PIK3C2A: variants seen among roughly 807,000 people sequenced by gnomAD.
The protein encoded by PIK3C2A is phosphatidylinositol-4-phosphate 3-kinase catalytic subunit type 2 alpha.
Under a neutral mutation model 204.5 loss-of-function variants are expected in PIK3C2A, and 97 were observed. The observed-to-expected ratio is 0.47, with a 90% CI of 0.40 to 0.56. The LOEUF is 0.56. PIK3C2A is among the 20% of genes least tolerant of loss of function. The pLI, the probability that PIK3C2A is intolerant of heterozygous loss-of-function variation, is 0.00. For synonymous variants in PIK3C2A, 653 were observed against 664.4 expected (o/e 0.98, Z 0.26); for missense variants, 1,735 against 1,969.2 (o/e 0.88, Z 2.25).
intron 13 of PIK3C2A, among the ~76,000 whole-genome samples, chr11:17,128,625 A>T (rs1213769310): frequency 6.6e-6 from 1 of 152,174 alleles, no homozygotes; most frequent in African/African-American, 2.4e-5. Flanking sequence ...AACTTACCCA[A>T]TTATTTTTCC....
At chr11:17,116,697 C>G (rs1455852703) in intron 19 of PIK3C2A, among the ~76,000 whole-genome samples, 1 of 151,962 alleles carries the variant, frequency 6.6e-6, no homozygotes, top group Non-Finnish European at 1.5e-5. Flanking sequence ...TCACGCCATT[C>G]TCCTGCCTCA....
rs546162660 is a variant in PIK3C2A, at chr11:17,108,566, T to C, written c.3544+1866A>G. Among the ~76,000 whole-genome samples, 58 of 152,198 alleles carry C rather than the reference T, an allele frequency of 3.8e-4. No homozygotes were observed. In the East Asian group the frequency reaches 0.011, roughly 29 times the overall value. ...AGGAGTTTGAGGCTGCAGTGAGCTA[T>C]GATCACACCACTGCACTCCAGCCTG... is the stretch of plus-strand genomic sequence containing the variant. On this transcript the variant is annotated intron_variant, in intron 22 of 32. Coordinates refer to ENST00000691414, the MANE Select transcript of PIK3C2A (RefSeq NM_002645.4).
intron 22 of PIK3C2A, among the ~76,000 whole-genome samples, chr11:17,106,541 A>G (rs1203094526): frequency 6.6e-6 from 1 of 152,232 alleles, no homozygotes; most frequent in Non-Finnish European, 1.5e-5. Context: ...TCCATGTACT[A>G]ATTCCCAAAG....
Position 17,102,901 on chromosome 11 carries a change from A to T in PIK3C2A, c.3682-70T>A. ...AAAAGAGGCAGAGTTTATAAATAGTAAAGTAATTTATCACTCTTTAAAAAC... is the reference window on the plus strand; with the variant it reads ...AAAAGAGGCAGAGTTTATAAATAGTTAAGTAATTTATCACTCTTTAAAAAC... On this transcript the variant is annotated intron_variant, in intron 23 of 32. Coordinates refer to ENST00000691414, the MANE Select transcript of PIK3C2A (RefSeq NM_002645.4). 6.2e-6 allele frequency: 6 copies of T among 965,324 alleles called. 1 individual carries two copies. Among genetic ancestry groups the T allele is most frequent in the Non-Finnish European group, 3.1e-6 (2 of 649,804 alleles). The allele number at this position is 965,324 out of a possible 1,614,324, so 59.8% of individuals were successfully genotyped here. A position where few individuals can be genotyped will look rare whatever the true frequency, so the allele number is the denominator to read the frequency against.
At chr11:17,102,966 A>T (rs1330966878) in intron 23 of PIK3C2A, 135 bp from the exon 24 acceptor site, 2 of 570,592 alleles carry the variant, frequency 3.5e-6, no homozygotes, top group Non-Finnish European at 5.9e-6. Context: ...ACAAACTGGG[A>T]TATAGTAATA....
intron 1 of PIK3C2A, chr11:17,193,572 G>T (rs939788080): frequency 5.0e-6 from 2 of 402,976 alleles, no homozygotes; most frequent in African/African-American, 2.1e-5. Context: ...ATCAAGCCAG[G>T]TGTGGTGGCT....
At position 17,112,652 on chromosome 11, in the gene PIK3C2A, G is replaced by T; in HGVS notation, c.3336C>A (p.Phe1112Leu). ...CTTTTAGGGGGACAGCATTAGAACTGAAGAAGGAACACGACTGCAAATACA... is the reference window on the plus strand; with the variant it reads ...CTTTTAGGGGGACAGCATTAGAACTTAAGAAGGAACACGACTGCAAATACA... ...KELNIKSCSFFSSNAVPLKVT... is the reference protein window; with the variant it reads ...KELNIKSCSFLSSNAVPLKVT... Residue 1112 changes from phenylalanine (F) to leucine (L), a missense_variant, in exon 21 of 33, where the codon TTC (phenylalanine) becomes TTA (leucine). Phe to Leu is a conservative substitution (Grantham distance 22). Coordinates refer to ENST00000691414, the MANE Select transcript of PIK3C2A (RefSeq NM_002645.4). 6.6e-7 allele frequency: 1 copy of T among 1,508,804 alleles called. No homozygotes were observed. The highest frequency in any genetic ancestry group is 8.9e-7 in the Non-Finnish European group (1 of 1,119,310). 93.5% of individuals were successfully genotyped at this position (1,508,804 alleles called of 1,614,324 possible).
At chr11:17,140,309 C>G (rs1182452942) in intron 8 of PIK3C2A, among the ~76,000 whole-genome samples, 1 of 152,124 alleles carries the variant, frequency 6.6e-6, no homozygotes, top group Non-Finnish European at 1.5e-5. Context: ...TGATCTCCCC[C>G]TAAAATCCAT....
intron 3 of PIK3C2A, among the ~76,000 whole-genome samples, chr11:17,152,696 C>T (rs975686222): frequency 3.3e-5 from 5 of 152,040 alleles, no homozygotes; most frequent in African/African-American, 9.7e-5. Flanking sequence ...TAGTGTGGCT[C>T]TACAGTTCAG....
At chr11:17,147,772 CAG>C (rs1850290636) in intron 5 of PIK3C2A, 144 bp from the exon 6 acceptor site, 2 of 574,090 alleles carry the variant, frequency 3.5e-6, no homozygotes, top group Non-Finnish European at 6.2e-6. Context: ...AGCATTTAAA[CAG>C]AGAAATTATT....
At chr11:17,101,030 T>TC (rs1442207353) in intron 25 of PIK3C2A, among the ~76,000 whole-genome samples, 1 of 152,118 alleles carries the variant, frequency 6.6e-6, no homozygotes, top group Non-Finnish European at 1.5e-5. Context: ...TACTAATACT[T>TC]CCCATCCCAA....
intron 1 of PIK3C2A, among the ~76,000 whole-genome samples, chr11:17,199,481 T>G (rs969840132): frequency 2.0e-5 from 3 of 152,236 alleles, no homozygotes; most frequent in African/African-American, 7.2e-5. Flanking sequence ...AATGAATTAA[T>G]ATACAAAATG....
At chr11:17,171,395 C>T (rs545774487) in intron 1 of PIK3C2A, among the ~76,000 whole-genome samples, 8 of 151,798 alleles carry the variant, frequency 5.3e-5, no homozygotes, top group Non-Finnish European at 7.4e-5. Context: ...GCTTGTCTAC[C>T]GTATATGCTC....
At chr11:17,095,357 C>G (rs1433792232) in intron 27 of PIK3C2A, among the ~76,000 whole-genome samples, 1 of 143,362 alleles carries the variant, frequency 7.0e-6, no homozygotes, top group Non-Finnish European at 1.5e-5. Flanking sequence ...AGGTGGATCA[C>G]AAGGTCAGGA....
rs1848313326 is a variant in PIK3C2A, at chr11:17,091,625, T to C, written c.4674A>G (p.Gln1558=). The C allele has an allele frequency of 1.2e-6, 2 of 1,612,826 alleles. No individual in the cohort carries two copies. Among genetic ancestry groups the C allele is most frequent in the South Asian group, 1.1e-5 (1 of 91,046 alleles). Residue 1558 remains glutamine (Q), a synonymous_variant, in exon 31 of 33, where the codon CAA becomes CAG. Transcript: ENST00000691414. ...DAGSFSPTPG[Q]IGGAVKLSIS... The stretch of plus-strand genomic sequence containing the variant: ...TGGATAATTTCACAGCTCCTCCTAT[T>C]TGGCCTGGAGTAGGACTGAAGGAAC...
chr11:17,111,165 C>T (rs530907362), intron 21 of PIK3C2A, among the ~76,000 whole-genome samples: 164 of 152,280 alleles, frequency 1.1e-3, no homozygotes, highest in African/African-American at 3.7e-3. Flanking sequence ...GCCTCAGCCT[C>T]CCAAAGTGCT....
chr11:17,173,825 CAG>C (rs1193030002), intron 1 of PIK3C2A, among the ~76,000 whole-genome samples: 3 of 152,122 alleles, frequency 2.0e-5, no homozygotes, highest in East Asian at 1.9e-4. Flanking sequence ...TTTGTTTAGA[CAG>C]AGTCTCATTC....
At chr11:17,141,629 C>A (rs1850067547) in intron 8 of PIK3C2A, among the ~76,000 whole-genome samples, 1 of 152,126 alleles carries the variant, frequency 6.6e-6, no homozygotes, top group Admixed American at 6.6e-5. Context: ...AAACTTTATT[C>A]AGATTTCACC....
Position 17,146,384 on chromosome 11 carries a change from C to G in PIK3C2A, c.1561-442G>C, listed in dbSNP as rs78001937. On this transcript the variant is annotated intron_variant, in intron 6 of 32. Coordinates refer to ENST00000691414, the MANE Select transcript of PIK3C2A (RefSeq NM_002645.4). ...CATCATGAACAAGGTACTCGCTCTTCTACCCTAAGTCTACATTACGCAAAT... is the reference window on the plus strand; with the variant it reads ...CATCATGAACAAGGTACTCGCTCTTGTACCCTAAGTCTACATTACGCAAAT... Among the ~76,000 whole-genome samples, 23 of 152,252 alleles carry G rather than the reference C, an allele frequency of 1.5e-4. No individual in the cohort carries two copies. The East Asian group carries it at 4.4e-3, about 29-fold the overall frequency.
Sources: gnomAD v4.1 joint callset for allele counts (sites outside exome capture counted in the v4.1 genomes callset) on GRCh38, gnomAD v4.1.1 for gene constraint, MANE v1.5 for transcripts, NCBI Gene and HGNC (gene_info 2026-07-23, HGNC 2026-07-21) for gene names.